Variants in PPM1E observed in about 807,000 individuals in gnomAD.
PPM1E encodes protein phosphatase, Mg2+/Mn2+ dependent 1E, also known as protein phosphatase 1E.
In PPM1E, 20 loss-of-function variants were observed where a neutral mutation model predicts 65.9. That is an observed-to-expected ratio of 0.30 (90% confidence interval 0.21 to 0.44). The LOEUF (loss-of-function observed/expected upper bound fraction) is 0.44. PPM1E is among the 20% of genes least tolerant of loss of function. The pLI, the probability that PPM1E is intolerant of heterozygous loss-of-function variation, is 1.00. For synonymous variants in PPM1E, 352 were observed against 374.9 expected (o/e 0.94, Z 0.70); for missense variants, 713 against 953.1 (o/e 0.75, Z 3.32).
At chr17:58,805,753 G>A (rs569430841) in intron 1 of PPM1E, among the ~76,000 whole-genome samples, 1 of 151,558 alleles carries the variant, frequency 6.6e-6, no homozygotes, top group Non-Finnish European at 1.5e-5. Context: ...ACAATGTGCG[G>A]TTTCATTTTC....
chr17:58,787,905 TAAAA>T (rs1284840531), intron 1 of PPM1E, among the ~76,000 whole-genome samples: 1 of 114,400 alleles, frequency 8.7e-6, no homozygotes, highest in African/African-American at 3.3e-5. Flanking sequence ...AGACTCTGTC[TAAAA>T]AAAAAAAAAA....
chr17:58,957,911 G>A (rs1442893541), intron 2 of PPM1E, among the ~76,000 whole-genome samples: 1 of 152,192 alleles, frequency 6.6e-6, no homozygotes, highest in Non-Finnish European at 1.5e-5. Context: ...GGGAGGCCAA[G>A]GCAGGAGGAT....
chr17:58,945,422 C>T (rs745485379), intron 1 of PPM1E, among the ~76,000 whole-genome samples: 10 of 152,182 alleles, frequency 6.6e-5, no homozygotes, highest in East Asian at 1.9e-4. Flanking sequence ...GGATTACAGG[C>T]GTGAGCCACC....
In PPM1E at chr17:58,980,854, C is replaced by T. The variant is rs755042727; in HGVS notation, c.2091C>T (p.Ser697=). 1.2e-6 allele frequency: 2 copies of T among 1,614,026 alleles called. No homozygotes were observed. The highest frequency in any genetic ancestry group is 3.3e-5 in the Admixed American group (2 of 59,994). The change falls in exon 7 of 7, where the codon TCC becomes TCT. Residue 697 remains serine (S), a synonymous_variant. Coordinates refer to ENST00000308249, the MANE Select transcript of PPM1E (RefSeq NM_014906.5). This position sits in a 1 kb window ranked among gnomAD's most constrained non-coding sequence, Gnocchi z 4.7. The stretch of plus-strand genomic sequence containing the variant: ...CATTTCTCTCTGCTCAAGAGCCTTC[C>T]CACAAAATAGGCACTAGCCTGTCCT... ...FYSFLSAQEP[S]HKIGTSLSSL...
intron 1 of PPM1E, among the ~76,000 whole-genome samples, chr17:58,881,389 C>T (rs976184926): frequency 2.0e-5 from 3 of 152,044 alleles, no homozygotes; most frequent in Non-Finnish European, 4.4e-5. Flanking sequence ...ATTGGCCGGG[C>T]GTGGTGGCTC....
At chr17:58,897,221 T>G (rs2051430834) in intron 1 of PPM1E, among the ~76,000 whole-genome samples, 1 of 152,056 alleles carries the variant, frequency 6.6e-6, no homozygotes, top group Admixed American at 6.6e-5. Context: ...GAGACCATCC[T>G]GGCTAACATG....
Position 58,965,677 on chromosome 17 carries a change from CTG to C in PPM1E, c.584-13_584-12del, listed in dbSNP as rs1373334137. On this transcript the variant is annotated splice_polypyrimidine_tract_variant and intron_variant, in intron 2 of 6. Transcript: ENST00000308249. ...TTACAAGGCTCTTCATTGGGGGTTT[CTG>C]TGTTTCTTTCACAGAGATTGAGACA... 1 of 1,609,704 alleles carries C rather than the reference CTG, an allele frequency of 6.2e-7. No homozygotes were observed. Among genetic ancestry groups the C allele is most frequent in the Admixed American group, 1.7e-5 (1 of 59,936 alleles).
At chr17:58,775,862 CGA>C (rs1384871338) in intron 1 of PPM1E, among the ~76,000 whole-genome samples, 3 of 129,178 alleles carry the variant, frequency 2.3e-5, no homozygotes, top group African/African-American at 8.6e-5. Flanking sequence ...TGCAGTGAGC[CGA>C]GATTGCGCCA....
At chr17:58,878,123 T>A (rs1271300832) in intron 1 of PPM1E, among the ~76,000 whole-genome samples, 1 of 152,196 alleles carries the variant, frequency 6.6e-6, no homozygotes, top group Non-Finnish European at 1.5e-5. Flanking sequence ...ACTTAGTTGT[T>A]TGTATTTGTT....
intron 1 of PPM1E, among the ~76,000 whole-genome samples, chr17:58,823,588 TTG>T (rs2050502307): frequency 6.6e-6 from 1 of 152,174 alleles, no homozygotes; most frequent in South Asian, 2.1e-4. Flanking sequence ...CCTTAGGAAA[TTG>T]TGTTTTGTAT....
intron 1 of PPM1E, among the ~76,000 whole-genome samples, chr17:58,874,822 A>T (rs1315839421): frequency 6.6e-6 from 1 of 152,214 alleles, no homozygotes; most frequent in South Asian, 2.1e-4. Flanking sequence ...GGCTGTGATG[A>T]ATATTATATT....
chr17:58,927,533 G>T (rs1461089166), intron 1 of PPM1E, among the ~76,000 whole-genome samples: 2 of 152,120 alleles, frequency 1.3e-5, no homozygotes, highest in African/African-American at 4.8e-5. Context: ...TGTTTCGGTT[G>T]CAGTTTCCTT....
intron 1 of PPM1E, among the ~76,000 whole-genome samples, chr17:58,821,716 G>A (rs1336337037): frequency 6.6e-6 from 1 of 152,152 alleles, no homozygotes; most frequent in Non-Finnish European, 1.5e-5. Context: ...AATAACCGAA[G>A]TCTTCTTTAA....
At chr17:58,825,721 C>A (rs578020850) in intron 1 of PPM1E, among the ~76,000 whole-genome samples, 59 of 151,880 alleles carry the variant, frequency 3.9e-4, no homozygotes, top group African/African-American at 1.3e-3. Context: ...AGGCACCCAC[C>A]ACCATGCTCG....
chr17:58,967,039 T>TGTTGTTGTTCGTTGACTTCCTTG (rs2030298413), intron 3 of PPM1E, among the ~76,000 whole-genome samples: 3 of 152,186 alleles, frequency 2.0e-5, no homozygotes, highest in Non-Finnish European at 2.9e-5. Flanking sequence ...TTTGGGGCAT[T>TGTTGTTGTTCGTTGACTTCCTTG]GTTGTTGTTC....
At chr17:58,765,045 GCTT>G (rs2049859333) in intron 1 of PPM1E, among the ~76,000 whole-genome samples, 3 of 114,422 alleles carry the variant, frequency 2.6e-5, no homozygotes, top group South Asian at 6.8e-4. Flanking sequence ...CTTTAGGTTG[GCTT>G]CTTATTTTAT....
At chr17:58,877,723 A>G (rs1300576749) in intron 1 of PPM1E, among the ~76,000 whole-genome samples, 3 of 152,324 alleles carry the variant, frequency 2.0e-5, no homozygotes, top group African/African-American at 7.2e-5. Context: ...GGAAACTTGT[A>G]TGGAAATTCT....
intron 1 of PPM1E, among the ~76,000 whole-genome samples, chr17:58,878,892 G>A (rs1027155718): frequency 1.1e-4 from 16 of 146,700 alleles, no homozygotes; most frequent in African/African-American, 1.5e-4. Context: ...CAACAAGAGC[G>A]AAACTGCATC....
intron 1 of PPM1E, among the ~76,000 whole-genome samples, chr17:58,794,556 C>G (rs542667707): frequency 1.3e-5 from 2 of 152,102 alleles, no homozygotes; most frequent in Non-Finnish European, 2.9e-5. Context: ...AATCTTCACT[C>G]TTCTCCCACT....
Sources: gnomAD v4.1 joint callset for allele counts (sites outside exome capture counted in the v4.1 genomes callset) on GRCh38, gnomAD v4.1.1 for gene constraint, Gnocchi (gnomAD v3.1) non-coding constraint, MANE v1.5 for transcripts, NCBI Gene and HGNC (gene_info 2026-07-23, HGNC 2026-07-21) for gene names.